The following HMBOX1 variants were observed in gnomAD, a reference collection of about 807,000 sequenced individuals.
HMBOX1 encodes homeobox containing 1.
A neutral mutation model predicts 54.5 loss-of-function variants in HMBOX1; 14 were observed. The observed-to-expected ratio is 0.26, with a 90% CI of 0.17 to 0.40. The LOEUF (loss-of-function observed/expected upper bound fraction) is 0.40, where lower values mean the gene tolerates loss of function less well. Among genes scored for constraint, HMBOX1 ranks in the 10% least tolerant of loss-of-function variants. The pLI is 1.00. For synonymous variants in HMBOX1, 160 were observed against 181.0 expected, an observed-to-expected ratio of 0.88 and a Z score of 0.93; for missense variants, 332 against 514.4, an observed-to-expected ratio of 0.65 and a Z score of 3.43.
intron 1 of HMBOX1, among the ~76,000 whole-genome samples, chr8:28,957,191 A>T (rs1362604506): frequency 6.6e-6 from 1 of 152,238 alleles, no homozygotes; most frequent in African/African-American, 2.4e-5. Flanking sequence ...TGGAACGGAT[A>T]AAGAAAATGT....
chr8:28,917,475 A>G (rs923748155), intron 1 of HMBOX1, among the ~76,000 whole-genome samples: 4 of 152,168 alleles, frequency 2.6e-5, no homozygotes, highest in African/African-American at 9.7e-5. Context: ...AAGATTTTCT[A>G]CATGACAATC....
chr8:29,038,955 A>C (rs1804381223), intron 6 of HMBOX1, among the ~76,000 whole-genome samples: 1 of 152,072 alleles, frequency 6.6e-6, no homozygotes, highest in Admixed American at 6.6e-5. Flanking sequence ...GAACATTGTA[A>C]GCTCTTTCAT....
chr8:29,015,822 T>C (rs957211323), intron 5 of HMBOX1, among the ~76,000 whole-genome samples: 8 of 152,262 alleles, frequency 5.3e-5, no homozygotes, highest in Non-Finnish European at 1.2e-4. Context: ...CTATCATAGC[T>C]ACTCAGCTCT....
intron 1 of HMBOX1, among the ~76,000 whole-genome samples, chr8:28,901,943 C>A (rs1813311444): frequency 6.6e-6 from 1 of 152,184 alleles, no homozygotes. Flanking sequence ...CCAGTTAAAT[C>A]CTTCTGTCTG....
chr8:28,969,999 G>A (rs752343733), intron 2 of HMBOX1, 44 bp from the exon 3 acceptor site: 2 of 1,187,176 alleles, frequency 1.7e-6, no homozygotes, highest in Non-Finnish European at 2.5e-6. Context: ...TGCTTTGGTA[G>A]ATACTGTCAA....
chr8:28,977,846 A>T (rs1828672882), intron 3 of HMBOX1, among the ~76,000 whole-genome samples: 1 of 151,738 alleles, frequency 6.6e-6, no homozygotes, highest in Non-Finnish European at 1.5e-5. Context: ...CGGGAGGCTG[A>T]GGCAGGAGAA....
chr8:29,007,186 G>A (rs1209460164), intron 4 of HMBOX1, among the ~76,000 whole-genome samples: 1 of 152,056 alleles, frequency 6.6e-6, no homozygotes, highest in Non-Finnish European at 1.5e-5. Context: ...CTACTCGGGA[G>A]GCTGAGGCGG....
chr8:28,973,386 G>A (rs184982411), intron 3 of HMBOX1, among the ~76,000 whole-genome samples: 126 of 152,212 alleles, frequency 8.3e-4, no homozygotes, highest in Non-Finnish European at 1.2e-3. Flanking sequence ...AAGATTTTAG[G>A]AAAGGTGGTT....
chr8:29,041,812 G>C (rs189532928), intron 6 of HMBOX1, among the ~76,000 whole-genome samples: 1 of 151,938 alleles, frequency 6.6e-6, no homozygotes, highest in Non-Finnish European at 1.5e-5. Context: ...AGATGTAGAG[G>C]TTGTTTGCGG....
chr8:28,948,295 T>C (rs1212267252), intron 1 of HMBOX1, among the ~76,000 whole-genome samples: 1 of 152,198 alleles, frequency 6.6e-6, no homozygotes, highest in Non-Finnish European at 1.5e-5. Flanking sequence ...TTTTGTTTTG[T>C]TCATTGCTGT....
At chr8:29,010,620 A>C (rs1834102111) in intron 5 of HMBOX1, among the ~76,000 whole-genome samples, 1 of 151,846 alleles carries the variant, frequency 6.6e-6, no homozygotes, top group Admixed American at 6.6e-5. Flanking sequence ...TAAAAAAGTT[A>C]AGATTTATAT....
At chr8:29,009,777 C>G in intron 5 of HMBOX1, 1 of 1,273,424 alleles carries the variant, frequency 7.9e-7, no homozygotes, top group Non-Finnish European at 1.0e-6. Context: ...AAATTTATGT[C>G]TAGAGTTGGA....
In HMBOX1 at chr8:28,970,696, GT is replaced by G. The variant is rs1019208735; in HGVS notation, c.500+182del. On this transcript the variant is annotated intron_variant, in intron 3 of 9. Coordinates refer to ENST00000287701, the MANE Select transcript of HMBOX1 (RefSeq NM_001135726.3). The surrounding 1 kb of genome is among the most constrained non-coding windows in gnomAD (Gnocchi z 4.3). ...GAAAGAAAGAAAGTTCAAGCTTTATGTTTTTAATTTAAATTTTCTCTTCTTT... is the reference window on the plus strand; with the variant it reads ...GAAAGAAAGAAAGTTCAAGCTTTATGTTTTAATTTAAATTTTCTCTTCTTT... 2.0e-6 allele frequency: 1 copy of G among 503,564 alleles called. No individual in the cohort carries two copies. The highest frequency in any genetic ancestry group is 3.5e-6 in the Non-Finnish European group (1 of 288,472). The allele number at this position is 503,564 out of a possible 1,614,324, so 31.2% of individuals were successfully genotyped here.
chr8:28,932,521 G>A (rs1043682337), intron 1 of HMBOX1, among the ~76,000 whole-genome samples: 2 of 151,668 alleles, frequency 1.3e-5, no homozygotes, highest in African/African-American at 4.8e-5. Context: ...TTTTACTTTC[G>A]TGGTTTTAAA....
chr8:28,923,516 A>T (rs1274098280), intron 1 of HMBOX1, among the ~76,000 whole-genome samples: 1 of 152,196 alleles, frequency 6.6e-6, no homozygotes, highest in Non-Finnish European at 1.5e-5. Flanking sequence ...ATGTACCAAT[A>T]CTTTTTTCTT....
intron 4 of HMBOX1, among the ~76,000 whole-genome samples, chr8:28,986,803 A>C (rs761049691): frequency 5.9e-5 from 9 of 152,048 alleles, no homozygotes; most frequent in Non-Finnish European, 1.5e-5. Flanking sequence ...CTTCTATCTT[A>C]TTCTTTAATT....
At chr8:29,019,769 A>C (rs921416725) in intron 6 of HMBOX1, among the ~76,000 whole-genome samples, 1 of 152,182 alleles carries the variant, frequency 6.6e-6, no homozygotes, top group African/African-American at 2.4e-5. Context: ...TTTGATAGCC[A>C]ATATGTCATC....
At chr8:28,931,526 T>C (rs946637139) in intron 1 of HMBOX1, among the ~76,000 whole-genome samples, 3 of 152,156 alleles carry the variant, frequency 2.0e-5, no homozygotes, top group Admixed American at 6.5e-5. Flanking sequence ...AGTCCAAAAC[T>C]AATACCTTAT....
chr8:28,999,825 T>C (rs1832376949), intron 4 of HMBOX1, among the ~76,000 whole-genome samples: 2 of 152,290 alleles, frequency 1.3e-5, no homozygotes, highest in South Asian at 4.1e-4. Flanking sequence ...TTCTTTTAAT[T>C]CTTTTAGTCT....
Sources: allele counts gnomAD v4.1 joint callset (sites outside exome capture counted in the v4.1 genomes callset), GRCh38; gene constraint gnomAD v4.1.1; non-coding constraint Gnocchi (gnomAD v3.1); transcripts MANE v1.5; gene names NCBI Gene and HGNC (gene_info 2026-07-23, HGNC 2026-07-21).